Variants in KCNIP3 observed in about 807,000 individuals in gnomAD.
The protein encoded by KCNIP3 is potassium voltage-gated channel interacting protein 3.
KCNIP3 carries 28 observed loss-of-function variants against 35.0 expected under a neutral mutation model. That is an observed-to-expected ratio of 0.80 (90% CI 0.59 to 1.10). The LOEUF (loss-of-function observed/expected upper bound fraction) is 1.10. Among genes scored for constraint, KCNIP3 ranks in the 50% least tolerant of loss-of-function variants. The pLI, the probability that KCNIP3 is intolerant of heterozygous loss-of-function variation, is 0.00. For synonymous variants in KCNIP3, 134 were observed against 133.8 expected (o/e 1.00, Z -0.01); for missense variants, 295 against 338.4 (o/e 0.87, Z 1.01).
intron 2 of KCNIP3, chr2:95,354,959 C>T (rs1449838609): frequency 6.6e-6 from 1 of 152,320 alleles, no homozygotes; most frequent in East Asian, 1.9e-4. Flanking sequence ...ATGCTGATGA[C>T]AGTGATAGGA....
At chr2:95,334,688 A>T (rs1393395431) in intron 2 of KCNIP3, among the ~76,000 whole-genome samples, 1 of 152,222 alleles carries the variant, frequency 6.6e-6, no homozygotes, top group Non-Finnish European at 1.5e-5. Context: ...ATGAAAAGAC[A>T]CAAGATGGGA....
chr2:95,359,739 G>A (rs990304571), intron 2 of KCNIP3, among the ~76,000 whole-genome samples: 1 of 152,258 alleles, frequency 6.6e-6, no homozygotes, highest in Non-Finnish European at 1.5e-5. Flanking sequence ...TGAACTCTGT[G>A]TGCCTGCAGA....
intron 2 of KCNIP3, among the ~76,000 whole-genome samples, chr2:95,324,648 C>T (rs930618551): frequency 3.3e-5 from 5 of 152,028 alleles, no homozygotes; most frequent in African/African-American, 9.7e-5. Flanking sequence ...CATGGTGGCT[C>T]ACGCCTGTAA....
intron 2 of KCNIP3, among the ~76,000 whole-genome samples, chr2:95,323,418 G>T (rs1289080399): frequency 6.6e-6 from 1 of 152,202 alleles, no homozygotes; most frequent in Non-Finnish European, 1.5e-5. Flanking sequence ...AACTGCGGTG[G>T]CAGAGAGGGC....
chr2:95,299,903 C>T (rs1384851056), intron 1 of KCNIP3, among the ~76,000 whole-genome samples: 2 of 152,234 alleles, frequency 1.3e-5, no homozygotes, highest in Admixed American at 6.5e-5. Context: ...AGGACATTGT[C>T]TCCCGCATTA....
chr2:95,381,271 ACACT>A (rs1191038393), intron 5 of KCNIP3, among the ~76,000 whole-genome samples: 4 of 152,174 alleles, frequency 2.6e-5, no homozygotes, highest in Admixed American at 1.3e-4. Context: ...ACAGGTTCAC[ACACT>A]CACACAGGTG....
At chr2:95,341,868 T>C (rs1403518487) in intron 2 of KCNIP3, among the ~76,000 whole-genome samples, 2 of 152,166 alleles carry the variant, frequency 1.3e-5, no homozygotes, top group East Asian at 3.8e-4. Context: ...GCTTGCAGTC[T>C]AGTGGGAGAG....
At chr2:95,306,673 C>T (rs1011799767) in intron 1 of KCNIP3, among the ~76,000 whole-genome samples, 8 of 152,100 alleles carry the variant, frequency 5.3e-5, no homozygotes, top group Admixed American at 3.9e-4. Context: ...TGGAGGGGCA[C>T]GGTGGGGCTG....
At position 95,382,108 on chromosome 2, in the gene KCNIP3, G is replaced by C. The variant is rs1289641224; in HGVS notation, c.556-269G>C. Among the ~76,000 whole-genome samples, 1 of 152,172 alleles carries C rather than the reference G, an allele frequency of 6.6e-6. No homozygotes were observed. Among genetic ancestry groups the C allele is most frequent in the African/African-American group, 2.4e-5 (1 of 41,452 alleles). ...ATGGGCCCACAGACAGGTTTTGTTT[G>C]GTCCAAGCACTTTTTCTGCTGCCGC... On this transcript the variant is annotated intron_variant, in intron 6 of 8. Coordinates refer to ENST00000295225, the MANE Select transcript of KCNIP3 (RefSeq NM_013434.5). The surrounding 1 kb of genome is among the most constrained non-coding windows in gnomAD (Gnocchi z 4.5).
In KCNIP3 at chr2:95,351,202, C is replaced by T. The variant is rs115958868; in HGVS notation, c.182-23094C>T. Reference sequence around the variant, plus strand: ...ACTGCCCTGGCCAGGGGTGGACCTCCGCAAGGACATTGGCTTTTACTGTAG... The same window carrying T: ...ACTGCCCTGGCCAGGGGTGGACCTCTGCAAGGACATTGGCTTTTACTGTAG... On this transcript the variant is annotated intron_variant, in intron 2 of 8. Transcript: ENST00000295225. Among the ~76,000 whole-genome samples the T allele has an allele frequency of 6.4e-3, 980 of 152,352 alleles. 8 individuals carry two copies. Among genetic ancestry groups the T allele is most frequent in the Middle Eastern group, 0.017 (5 of 294 alleles).
intron 2 of KCNIP3, among the ~76,000 whole-genome samples, chr2:95,362,868 C>CA (rs1199000536): frequency 6.6e-6 from 1 of 152,100 alleles, no homozygotes; most frequent in Non-Finnish European, 1.5e-5. Flanking sequence ...ACATATTTGC[C>CA]AAAAAAACTT....
intron 8 of KCNIP3, 129 bp from the exon 9 acceptor site, chr2:95,383,873 C>T (rs990715185): frequency 1.5e-5 from 12 of 813,342 alleles, no homozygotes; most frequent in Admixed American, 3.5e-5. Context: ...CCCCCAGCTC[C>T]CTGCACCCAA....
Position 95,382,262 on chromosome 2 carries a change from C to A in KCNIP3, c.556-115C>A. On this transcript the variant is annotated intron_variant, in intron 6 of 8. Coordinates refer to ENST00000295225, the MANE Select transcript of KCNIP3 (RefSeq NM_013434.5). The surrounding 1 kb of genome is among the most constrained non-coding windows in gnomAD (Gnocchi z 4.5). ...AGGCTTCTCTCTCCAGCTCGTCCGG[C>A]CCCTCGCACTCACTGCCTTGGAGGT... 1.8e-6 allele frequency: 1 copy of A among 549,576 alleles called. No homozygotes were observed. 34.0% of individuals were successfully genotyped at this position (549,576 alleles called of 1,614,324 possible). A position where few individuals can be genotyped will look rare whatever the true frequency, so the allele number is the denominator to read the frequency against.
chr2:95,310,133 G>T (rs988378429), intron 1 of KCNIP3: 2 of 674,824 alleles, frequency 3.0e-6, no homozygotes, highest in African/African-American at 1.8e-5. Context: ...CCCTCTTCCA[G>T]GGGTCCCATC....
chr2:95,312,132 G>C (rs1274875296), intron 2 of KCNIP3: 1 of 152,242 alleles, frequency 6.6e-6, no homozygotes, highest in African/African-American at 2.4e-5. Context: ...GGTTTTCTTG[G>C]TGGCAACAAG....
intron 2 of KCNIP3, among the ~76,000 whole-genome samples, chr2:95,331,830 T>A (rs1486005483): frequency 6.6e-6 from 1 of 152,102 alleles, no homozygotes; most frequent in African/African-American, 2.4e-5. Context: ...CCTTCTCAGA[T>A]ATTTTGACAG....
intron 2 of KCNIP3, among the ~76,000 whole-genome samples, chr2:95,353,580 C>T (rs1679580783): frequency 6.6e-6 from 1 of 152,172 alleles, no homozygotes; most frequent in Non-Finnish European, 1.5e-5. Flanking sequence ...ATAATAATAC[C>T]TCCCAGTATC....
chr2:95,325,776 C>CACACACTCAT (rs371297424), intron 2 of KCNIP3, among the ~76,000 whole-genome samples: 2 of 151,476 alleles, frequency 1.3e-5, no homozygotes, highest in East Asian at 3.9e-4. Context: ...CACTCATATA[C>CACACACTCAT]ACACACTCAT....
chr2:95,350,034 A>G (rs986575355), intron 2 of KCNIP3, among the ~76,000 whole-genome samples: 1 of 152,142 alleles, frequency 6.6e-6, no homozygotes, highest in Non-Finnish European at 1.5e-5. Flanking sequence ...GGGCAAGATT[A>G]TGTGTTTGGT....
Sources: gnomAD v4.1 joint callset for allele counts (sites outside exome capture counted in the v4.1 genomes callset) on GRCh38, gnomAD v4.1.1 for gene constraint, Gnocchi (gnomAD v3.1) non-coding constraint, MANE v1.5 for transcripts, NCBI Gene and HGNC (gene_info 2026-07-23, HGNC 2026-07-21) for gene names.